Variants in EPHA3 observed in about 807,000 individuals in gnomAD.
EPHA3 encodes the protein ephrin type-A receptor 3.
In EPHA3, 42 loss-of-function variants were observed where a neutral mutation model predicts 107.1. That is an observed-to-expected ratio of 0.39 (90% CI 0.31 to 0.51). The LOEUF (loss-of-function observed/expected upper bound fraction) is 0.51, where lower values mean the gene tolerates loss of function less well. Ranked by LOEUF, EPHA3 falls within the 20% of genes least tolerant of loss-of-function variation. The pLI, the probability that EPHA3 is intolerant of heterozygous loss-of-function variation, is 0.78. For synonymous variants in EPHA3, 461 were observed against 424.8 expected (o/e 1.09, Z -1.05); for missense variants, 1,183 against 1,211.2 (o/e 0.98, Z 0.35).
At chr3:89,262,407 G>A (rs1156833962) in intron 3 of EPHA3, among the ~76,000 whole-genome samples, 1 of 152,168 alleles carries the variant, frequency 6.6e-6, no homozygotes, top group East Asian at 1.9e-4. Flanking sequence ...TCTAGCTTCA[G>A]ACAGTGGCTG....
chr3:89,120,780 A>G (rs1198523698), intron 1 of EPHA3, among the ~76,000 whole-genome samples: 1 of 152,172 alleles, frequency 6.6e-6, no homozygotes, highest in African/African-American at 2.4e-5. Context: ...AATTTCTTCT[A>G]TAAGATCTTT....
At chr3:89,183,881 G>C (rs888851960) in intron 2 of EPHA3, among the ~76,000 whole-genome samples, 2 of 151,870 alleles carry the variant, frequency 1.3e-5, no homozygotes, top group African/African-American at 2.4e-5. Flanking sequence ...AATTGTAAAA[G>C]TCTGTGAGAT....
chr3:89,387,181 A>G (rs180907490), intron 5 of EPHA3, among the ~76,000 whole-genome samples: 110 of 152,300 alleles, frequency 7.2e-4, no homozygotes, highest in South Asian at 4.1e-4. Context: ...GGGTGGAATG[A>G]CATGGTTTGG....
intron 5 of EPHA3, among the ~76,000 whole-genome samples, chr3:89,391,680 G>A (rs1257226357): frequency 7.3e-5 from 11 of 151,432 alleles, no homozygotes; most frequent in Non-Finnish European, 1.6e-4. Flanking sequence ...TGATCCGCCC[G>A]CCTCGGCCTC....
intron 5 of EPHA3, among the ~76,000 whole-genome samples, chr3:89,359,476 C>T (rs1708039677): frequency 6.6e-6 from 1 of 150,386 alleles, no homozygotes; most frequent in Non-Finnish European, 1.5e-5. Flanking sequence ...AAGAATTTAG[C>T]TGTCTTGTTG....
At chr3:89,321,891 G>A (rs1576310689) in intron 3 of EPHA3, among the ~76,000 whole-genome samples, 1 of 152,116 alleles carries the variant, frequency 6.6e-6, no homozygotes, top group South Asian at 2.1e-4. Context: ...TAGTATCATG[G>A]TATTTAGATG....
At chr3:89,398,766 T>G (rs1708897835) in intron 6 of EPHA3, among the ~76,000 whole-genome samples, 1 of 152,216 alleles carries the variant, frequency 6.6e-6, no homozygotes, top group South Asian at 2.1e-4. Flanking sequence ...AAATTTTTCC[T>G]GCTTTACATG....
chr3:89,278,513 A>G (rs1291512660), intron 3 of EPHA3, among the ~76,000 whole-genome samples: 1 of 152,198 alleles, frequency 6.6e-6, no homozygotes, highest in Non-Finnish European at 1.5e-5. Context: ...ATGGAATGCC[A>G]TGTGTACTCC....
chr3:89,297,395 T>C (rs1706379271), intron 3 of EPHA3, among the ~76,000 whole-genome samples: 1 of 152,096 alleles, frequency 6.6e-6, no homozygotes, highest in Admixed American at 6.6e-5. Flanking sequence ...TCTCAGGGGA[T>C]AGGGAGGCCA....
intron 2 of EPHA3, among the ~76,000 whole-genome samples, chr3:89,145,695 C>A (rs1426022677): frequency 2.6e-5 from 4 of 151,602 alleles, no homozygotes; most frequent in Admixed American, 6.6e-5. Context: ...AATGTAGAGA[C>A]CTTTGAGTCA....
chr3:89,437,186 G>A (rs931126308), intron 13 of EPHA3, among the ~76,000 whole-genome samples: 1 of 151,820 alleles, frequency 6.6e-6, no homozygotes, highest in Non-Finnish European at 1.5e-5. Flanking sequence ...TACTTTACTA[G>A]GAAAAAAGTC....
Position 89,340,973 on chromosome 3 carries a change from C to A in EPHA3, c.872C>A (p.Pro291Gln). 2 of 1,614,042 alleles carry A rather than the reference C, an allele frequency of 1.2e-6. No individual in the cohort carries two copies. Among genetic ancestry groups the A allele is most frequent in the Non-Finnish European group, 1.7e-6 (2 of 1,179,986 alleles). Residue 291 changes from proline to glutamine, a missense_variant, in exon 4 of 17, where the codon CCG (proline) becomes CAG (glutamine). Physicochemically the swap from Pro to Gln is moderately conservative, Grantham distance 76. Transcript: ENST00000336596. The part of the protein sequence containing the change: ...LDGNMKCAKC[P>Q]PHSSTQEDGS... Reference sequence around the variant, plus strand: ...GGTAATATGAAGTGTGCTAAGTGCCCGCCTCACAGTTCTACTCAGGAAGAT... The same window carrying A: ...GGTAATATGAAGTGTGCTAAGTGCCAGCCTCACAGTTCTACTCAGGAAGAT...
intron 3 of EPHA3, among the ~76,000 whole-genome samples, chr3:89,294,503 T>TAC (rs879603976): frequency 5.4e-5 from 8 of 147,398 alleles, no homozygotes; most frequent in South Asian, 2.1e-4. Flanking sequence ...CTTTTCCTCT[T>TAC]ACACACACAC....
intron 11 of EPHA3, among the ~76,000 whole-genome samples, chr3:89,426,985 G>A (rs766725631): frequency 8.6e-5 from 13 of 151,782 alleles, no homozygotes; most frequent in Admixed American, 2.0e-4. Context: ...CAAGGAAATG[G>A]TGAATCTTCC....
intron 2 of EPHA3, among the ~76,000 whole-genome samples, chr3:89,160,589 T>TGTGTGTGTGTGTGTGTGG (rs371399940): frequency 6.9e-6 from 1 of 145,006 alleles, no homozygotes. Context: ...TGTGTGTGTG[T>TGTGTGTGTGTGTGTGTGG]GCGCGCATTC....
At chr3:89,242,300 G>A (rs1704915549) in intron 3 of EPHA3, among the ~76,000 whole-genome samples, 1 of 152,152 alleles carries the variant, frequency 6.6e-6, no homozygotes, top group South Asian at 2.1e-4. Flanking sequence ...TCATGTCTTG[G>A]GAGATACACA....
intron 2 of EPHA3, among the ~76,000 whole-genome samples, chr3:89,139,612 A>G (rs1295263006): frequency 6.6e-6 from 1 of 151,856 alleles, no homozygotes; most frequent in Non-Finnish European, 1.5e-5. Context: ...TATTTAGAGC[A>G]GTAAAATATA....
At chr3:89,403,380 T>A (rs1040740129) in intron 7 of EPHA3, among the ~76,000 whole-genome samples, 1 of 152,144 alleles carries the variant, frequency 6.6e-6, no homozygotes, top group Non-Finnish European at 1.5e-5. Context: ...TTATACATGA[T>A]CCAAGATACA....
chr3:89,292,998 C>T (rs1338613024), intron 3 of EPHA3, among the ~76,000 whole-genome samples: 2 of 152,094 alleles, frequency 1.3e-5, no homozygotes, highest in African/African-American at 2.4e-5. Context: ...ATATCTTCAC[C>T]ACCCCTTTGT....
Sources: gnomAD v4.1 joint callset for allele counts (sites outside exome capture counted in the v4.1 genomes callset) on GRCh38, gnomAD v4.1.1 for gene constraint, MANE v1.5 for transcripts, NCBI Gene and HGNC (gene_info 2026-07-23, HGNC 2026-07-21) for gene names.